Variants in CFAP299 observed in about 807,000 individuals in gnomAD.
CFAP299 encodes cilia- and flagella-associated protein 299.
In CFAP299, 21 loss-of-function variants were observed where a neutral mutation model predicts 27.0. The observed-to-expected ratio is 0.78, with a 90% CI of 0.55 to 1.12. CFAP299 has a LOEUF of 1.12. Ranked by LOEUF, CFAP299 falls within the 50% of genes most tolerant of loss-of-function variation. CFAP299 has a pLI of 0.00. For missense variants in CFAP299, 310 were observed against 276.6 expected, an observed-to-expected ratio of 1.12 and a Z score of -0.86; for synonymous variants, 104 against 98.1, an observed-to-expected ratio of 1.06 and a Z score of -0.36.
chr4:80,831,174 G>T (rs1380763042), intron 3 of CFAP299, among the ~76,000 whole-genome samples: 4 of 152,028 alleles, frequency 2.6e-5, no homozygotes, highest in African/African-American at 9.7e-5. Flanking sequence ...CAAGCTGACT[G>T]TAATTAAAAT....
At chr4:80,545,074 C>A (rs182606762) in intron 2 of CFAP299, among the ~76,000 whole-genome samples, 181 of 151,990 alleles carry the variant, frequency 1.2e-3, no homozygotes, top group African/African-American at 4.3e-3. Context: ...CAAAACTGTA[C>A]AATAAAGTTA....
intron 3 of CFAP299, among the ~76,000 whole-genome samples, chr4:80,629,688 T>G (rs2109944071): frequency 6.6e-6 from 1 of 152,122 alleles, no homozygotes; most frequent in Middle Eastern, 3.4e-3. Flanking sequence ...AAGACCAGCT[T>G]GGCGAACATA....
chr4:80,527,923 C>G (rs1423614824), intron 2 of CFAP299, among the ~76,000 whole-genome samples: 1 of 152,150 alleles, frequency 6.6e-6, no homozygotes. Context: ...TGACAAATGA[C>G]ATGATCTTCA....
At chr4:80,957,013 A>G (rs961696533) in intron 5 of CFAP299, among the ~76,000 whole-genome samples, 2 of 152,118 alleles carry the variant, frequency 1.3e-5, no homozygotes, top group African/African-American at 4.8e-5. Flanking sequence ...AGATTCCTAT[A>G]CTAGAATCAG....
At chr4:80,496,860 C>T (rs979764470) in intron 2 of CFAP299, among the ~76,000 whole-genome samples, 1 of 152,074 alleles carries the variant, frequency 6.6e-6, no homozygotes, top group Non-Finnish European at 1.5e-5. Context: ...TGGCAAAAGA[C>T]AGAGGGGGAG....
rs532149002 is a variant in CFAP299 at position 80,859,704 on chromosome 4, A to T, written c.334-10289A>T. Reference sequence around the variant, plus strand: ...GGCTGGATATGAAATTCTCGGTTGAAAATTCTTTTCTTTAAGAATGTTGAA... The same window carrying T: ...GGCTGGATATGAAATTCTCGGTTGATAATTCTTTTCTTTAAGAATGTTGAA... On this transcript the variant is annotated intron_variant, in intron 3 of 5. Transcript: ENST00000358105. 2.0e-3 allele frequency among the ~76,000 whole-genome samples: 306 copies of T among 152,234 alleles called. 3 individuals carry two copies. Among genetic ancestry groups the T allele is most frequent in the Non-Finnish European group, 4.0e-3 (270 of 68,022 alleles).
At chr4:80,873,702 T>C (rs1733229210) in intron 4 of CFAP299, among the ~76,000 whole-genome samples, 1 of 152,174 alleles carries the variant, frequency 6.6e-6, no homozygotes, top group Non-Finnish European at 1.5e-5. Context: ...GGTTTAAGCT[T>C]TTATATCCCA....
intron 2 of CFAP299, among the ~76,000 whole-genome samples, chr4:80,516,019 T>G (rs1363394602): frequency 3.5e-5 from 3 of 86,292 alleles, no homozygotes; most frequent in Non-Finnish European, 6.2e-5. Context: ...CTGCATTTCT[T>G]TTTTTTTTTT....
intron 4 of CFAP299, among the ~76,000 whole-genome samples, chr4:80,877,704 G>A (rs985869895): frequency 3.9e-5 from 6 of 151,990 alleles, no homozygotes; most frequent in East Asian, 1.9e-4. Flanking sequence ...CAGTTTAACC[G>A]TTTAAAGTGT....
At chr4:80,491,894 C>A (rs1259717480) in intron 2 of CFAP299, among the ~76,000 whole-genome samples, 6 of 152,188 alleles carry the variant, frequency 3.9e-5, no homozygotes, top group Admixed American at 3.9e-4. Flanking sequence ...ATAGCTAAAT[C>A]TTCTTCTTCC....
chr4:80,684,841 A>C (rs1349962350), intron 3 of CFAP299, among the ~76,000 whole-genome samples: 1 of 152,076 alleles, frequency 6.6e-6, no homozygotes, highest in Non-Finnish European at 1.5e-5. Context: ...AAGCCTACTT[A>C]TACAGTCTCA....
intron 3 of CFAP299, among the ~76,000 whole-genome samples, chr4:80,697,325 G>A (rs923599987): frequency 3.7e-4 from 49 of 132,650 alleles, no homozygotes; most frequent in African/African-American, 1.6e-3. Context: ...TATTTTATAG[G>A]TTTAAACCTA....
intron 3 of CFAP299, among the ~76,000 whole-genome samples, chr4:80,806,383 G>A (rs1728866879): frequency 6.6e-6 from 1 of 152,156 alleles, no homozygotes; most frequent in African/African-American, 2.4e-5. Flanking sequence ...CTGGAGTTGT[G>A]AAGGTGTACT....
Position 80,869,998 on chromosome 4 carries a change from G to C in CFAP299, c.339G>C (p.Val113=), listed in dbSNP as rs143207383. 1 of 1,610,170 alleles carries C rather than the reference G, an allele frequency of 6.2e-7. No homozygotes were observed. The highest frequency in any genetic ancestry group is 8.5e-7 in the Non-Finnish European group (1 of 1,178,412). Residue 113 remains valine (V), a synonymous_variant, in exon 4 of 6, where the codon GTG becomes GTC. Transcript: ENST00000358105. ...EDNRSGKLSS[V]IFIRDRNSHG... ...TCTCTATTCTGTGCTACCAGTCCGT[G>C]ATCTTTATTCGTGACAGAAATTCTC...
At chr4:80,656,549 A>G (rs747173744) in intron 3 of CFAP299, among the ~76,000 whole-genome samples, 13 of 152,190 alleles carry the variant, frequency 8.5e-5, no homozygotes, top group Non-Finnish European at 1.6e-4. Context: ...TGCAAAGGAC[A>G]TGAACTCATC....
chr4:80,745,956 C>A (rs1342464522), intron 3 of CFAP299, among the ~76,000 whole-genome samples: 1 of 151,978 alleles, frequency 6.6e-6, no homozygotes, highest in African/African-American at 2.4e-5. Context: ...ATAAGAAATT[C>A]CAAGAAATTC....
At chr4:80,625,989 A>G (rs115282048) in intron 3 of CFAP299, among the ~76,000 whole-genome samples, 1 of 151,960 alleles carries the variant, frequency 6.6e-6, no homozygotes, top group Non-Finnish European at 1.5e-5. Flanking sequence ...TCACACAGAA[A>G]ATCAATAAGG....
chr4:80,588,623 A>C (rs918845950), intron 3 of CFAP299, among the ~76,000 whole-genome samples: 2 of 150,878 alleles, frequency 1.3e-5, no homozygotes, highest in South Asian at 4.1e-4. Context: ...TACATGTGTA[A>C]TAAAAAGCTT....
At position 80,799,435 on chromosome 4, in the gene CFAP299, A is replaced by G. The variant is rs1488869026; in HGVS notation, c.334-70558A>G. ...CATATAAGTAATATTTATAATATAT[A>G]TAATATTTATAAAATATATATAATA... On this transcript the variant is annotated intron_variant, in intron 3 of 5. Coordinates refer to ENST00000358105, the MANE Select transcript of CFAP299 (RefSeq NM_152770.3). 9.7e-5 allele frequency among the ~76,000 whole-genome samples: 9 copies of G among 92,454 alleles called. No individual in the cohort carries two copies. The South Asian group carries it at 2.0e-3, about 21-fold the overall frequency. 60.7% of individuals were successfully genotyped at this position (92,454 alleles called of 152,430 possible).
Sources: allele counts gnomAD v4.1 joint callset (sites outside exome capture counted in the v4.1 genomes callset), GRCh38; gene constraint gnomAD v4.1.1; transcripts MANE v1.5; gene names NCBI Gene and HGNC (gene_info 2026-07-23, HGNC 2026-07-21).